SCAPER: variants seen among roughly 807,000 people sequenced by gnomAD.
The protein encoded by SCAPER is S-phase cyclin A associated protein in the ER, also known as S phase cyclin A-associated protein in the endoplasmic reticulum.
In SCAPER, 98 loss-of-function variants were observed where a neutral mutation model predicts 182.2. The observed-to-expected ratio is 0.54, with a 90% CI of 0.46 to 0.64. The LOEUF (loss-of-function observed/expected upper bound fraction) is 0.64. Ranked by LOEUF, SCAPER falls within the 30% of genes least tolerant of loss-of-function variation. SCAPER has a pLI of 0.00. For synonymous variants in SCAPER, 605 were observed against 564.6 expected (o/e 1.07, Z -1.01); for missense variants, 1,432 against 1,690.0 (o/e 0.85, Z 2.68).
chr15:76,525,090 A>C (rs1192928257), intron 23 of SCAPER, among the ~76,000 whole-genome samples: 1 of 152,058 alleles, frequency 6.6e-6, no homozygotes, highest in Non-Finnish European at 1.5e-5. Context: ...GGGTAGATCA[A>C]GTAATTTTAT....
At chr15:76,637,538 C>A (rs1348157750) in intron 21 of SCAPER, among the ~76,000 whole-genome samples, 5 of 151,614 alleles carry the variant, frequency 3.3e-5, no homozygotes, top group African/African-American at 1.2e-4. Flanking sequence ...CATCTCTACA[C>A]ACAAAATTTT....
chr15:76,596,721 C>T (rs13329514), intron 22 of SCAPER, among the ~76,000 whole-genome samples: 2 of 121,282 alleles, frequency 1.6e-5, no homozygotes, highest in African/African-American at 5.0e-5. Flanking sequence ...ACAAGATTAT[C>T]TCAATAGATG....
chr15:76,434,049 C>T (rs2047034271), intron 26 of SCAPER, 29 bp downstream of exon 26: 3 of 1,564,598 alleles, frequency 1.9e-6, no homozygotes, highest in Admixed American at 1.8e-5. Context: ...TAACAAAGAA[C>T]AAAGTTTTAA....
At chr15:76,349,351 G>C in intron 31 of SCAPER, 1 of 146,112 alleles carries the variant, frequency 6.8e-6, no homozygotes, top group East Asian at 2.1e-4. Context: ...GTAGTTTTAA[G>C]TATATCTTTA....
At chr15:76,667,356 G>C (rs2056656127) in intron 20 of SCAPER, among the ~76,000 whole-genome samples, 1 of 151,864 alleles carries the variant, frequency 6.6e-6, no homozygotes, top group African/African-American at 2.4e-5. Flanking sequence ...TCCTCTTCTT[G>C]ACCTCTAAAT....
At chr15:76,431,501 T>C (rs189943527) in intron 26 of SCAPER, among the ~76,000 whole-genome samples, 1 of 152,006 alleles carries the variant, frequency 6.6e-6, no homozygotes, top group Non-Finnish European at 1.5e-5. Context: ...TGTCAGAATC[T>C]GCTCCTGCTC....
At chr15:76,586,265 T>C (rs2048649076) in intron 22 of SCAPER, among the ~76,000 whole-genome samples, 1 of 152,218 alleles carries the variant, frequency 6.6e-6, no homozygotes, top group Non-Finnish European at 1.5e-5. Context: ...GAACTAAGAT[T>C]GTTCTTTAGC....
intron 28 of SCAPER, chr15:76,380,864 C>T (rs1262998588): frequency 6.6e-6 from 1 of 152,358 alleles, no homozygotes; most frequent in Admixed American, 6.5e-5. Flanking sequence ...TTACATTGGA[C>T]ACAAAATCAG....
chr15:76,779,846 A>G (rs530007849), intron 8 of SCAPER, among the ~76,000 whole-genome samples: 7 of 152,238 alleles, frequency 4.6e-5, no homozygotes, highest in Non-Finnish European at 8.8e-5. Context: ...AGCTATGACC[A>G]AGTGAAATTT....
chr15:76,512,942 G>T (rs979519127), intron 23 of SCAPER, among the ~76,000 whole-genome samples: 1 of 151,860 alleles, frequency 6.6e-6, no homozygotes, highest in Non-Finnish European at 1.5e-5. Context: ...TGGAGCTAAG[G>T]AAGATTCTGG....
chr15:76,876,788 A>G (rs1422198924), intron 2 of SCAPER, among the ~76,000 whole-genome samples: 1 of 152,238 alleles, frequency 6.6e-6, no homozygotes, highest in Non-Finnish European at 1.5e-5. Flanking sequence ...AAGGATGCCT[A>G]CTACTATCAC....
At chr15:76,817,034 T>TA (rs1418759927) in intron 5 of SCAPER, among the ~76,000 whole-genome samples, 3 of 152,214 alleles carry the variant, frequency 2.0e-5, no homozygotes, top group African/African-American at 7.2e-5. Context: ...ATGCAACTGG[T>TA]AGCACCATAG....
intron 27 of SCAPER, among the ~76,000 whole-genome samples, chr15:76,392,821 G>A (rs1260791807): frequency 6.6e-6 from 1 of 152,130 alleles, no homozygotes; most frequent in African/African-American, 2.4e-5. Context: ...TTTTCCTCTT[G>A]AGATCCTGCC....
At chr15:76,860,435 A>G (rs936616376) in intron 3 of SCAPER, among the ~76,000 whole-genome samples, 1 of 152,188 alleles carries the variant, frequency 6.6e-6, no homozygotes, top group Non-Finnish European at 1.5e-5. Flanking sequence ...AAAAATAGCT[A>G]GGAAAACTGA....
At chr15:76,742,466 TAAAAAAAAAAAAAA>T (rs55751202) in intron 15 of SCAPER, among the ~76,000 whole-genome samples, 1 of 37,026 alleles carries the variant, frequency 2.7e-5, no homozygotes, top group Non-Finnish European at 4.7e-5. Context: ...TGTCTTTTCC[TAAAAAAAAAAAAAA>T]AAAAAAAAAA....
chr15:76,577,636 T>G (rs2047942444), intron 22 of SCAPER, among the ~76,000 whole-genome samples: 1 of 151,936 alleles, frequency 6.6e-6, no homozygotes. Flanking sequence ...AAAGACCCAG[T>G]CCTGGAAGGA....
chr15:76,378,622 C>T (rs147569117), intron 28 of SCAPER, among the ~76,000 whole-genome samples: 1 of 152,114 alleles, frequency 6.6e-6, no homozygotes, highest in African/African-American at 2.4e-5. Flanking sequence ...GCTGGTGAAG[C>T]CTATGTTTCC....
chr15:76,428,444 T>G (rs2046591808), intron 26 of SCAPER, among the ~76,000 whole-genome samples: 2 of 152,204 alleles, frequency 1.3e-5, no homozygotes, highest in African/African-American at 2.4e-5. Flanking sequence ...ATCTTTCTTT[T>G]TTACAACATG....
At chr15:76,848,322 GGTT>G (rs1265733528) in intron 4 of SCAPER, among the ~76,000 whole-genome samples, 9 of 100,858 alleles carry the variant, frequency 8.9e-5, no homozygotes, top group Non-Finnish European at 1.7e-4. Context: ...TTTTTTTTGG[GGTT>G]TTTTTTTTTT....
Sources: allele counts gnomAD v4.1 joint callset (sites outside exome capture counted in the v4.1 genomes callset), GRCh38; gene constraint gnomAD v4.1.1; transcripts MANE v1.5; gene names NCBI Gene and HGNC (gene_info 2026-07-23, HGNC 2026-07-21).